Variants in EYA1 observed in about 807,000 individuals in gnomAD.
EYA1 encodes the protein protein phosphatase EYA1.
A neutral mutation model predicts 82.0 loss-of-function variants in EYA1; 16 were observed. The observed-to-expected ratio is 0.20, with a 90% CI of 0.13 to 0.30. The LOEUF (loss-of-function observed/expected upper bound fraction) is 0.30, where lower values mean the gene tolerates loss of function less well. Among genes scored for constraint, EYA1 ranks in the 10% least tolerant of loss-of-function variants. EYA1 has a pLI of 1.00. For synonymous variants in EYA1, 261 were observed against 264.4 expected (o/e 0.99, Z 0.12); for missense variants, 633 against 730.7 (o/e 0.87, Z 1.54).
chr8:71,396,618 T>A (rs1212078217), intron 2 of EYA1, among the ~76,000 whole-genome samples: 1 of 152,234 alleles, frequency 6.6e-6, no homozygotes, highest in Non-Finnish European at 1.5e-5. Context: ...AGTTTCTTAA[T>A]CCTGAGTTCT....
At chr8:71,284,860 C>G (rs1586177017) in intron 9 of EYA1, among the ~76,000 whole-genome samples, 1 of 152,314 alleles carries the variant, frequency 6.6e-6, no homozygotes. Flanking sequence ...ATTTCACCTT[C>G]TTTGTTAATT....
intron 2 of EYA1, among the ~76,000 whole-genome samples, chr8:71,386,800 G>A (rs1240651954): frequency 6.6e-6 from 1 of 152,204 alleles, no homozygotes; most frequent in Non-Finnish European, 1.5e-5. Context: ...TTGATGAGAA[G>A]TCAAGGATGA....
intron 3 of EYA1, among the ~76,000 whole-genome samples, chr8:71,346,104 A>G (rs1825673156): frequency 6.6e-6 from 1 of 152,004 alleles, no homozygotes; most frequent in Admixed American, 6.6e-5. Flanking sequence ...TCTTCCTGGC[A>G]TGGCACTCAA....
At chr8:71,473,853 T>C (rs1328333715) in intron 2 of EYA1, among the ~76,000 whole-genome samples, 1 of 152,114 alleles carries the variant, frequency 6.6e-6, no homozygotes, top group Non-Finnish European at 1.5e-5. Flanking sequence ...ATATACACCA[T>C]GGAATACTAT....
chr8:71,260,131 A>G (rs965692475), intron 11 of EYA1, among the ~76,000 whole-genome samples: 2 of 152,200 alleles, frequency 1.3e-5, no homozygotes, highest in African/African-American at 4.8e-5. Context: ...ACCCTTGCAC[A>G]TTTAGCTTTA....
intron 2 of EYA1, among the ~76,000 whole-genome samples, chr8:71,387,916 C>T (rs1293540395): frequency 6.6e-6 from 1 of 151,896 alleles, no homozygotes; most frequent in Non-Finnish European, 1.5e-5. Flanking sequence ...ACACAAAAAC[C>T]CAAGCATTAG....
chr8:71,408,188 C>A (rs1830378081), intron 2 of EYA1, among the ~76,000 whole-genome samples: 1 of 151,788 alleles, frequency 6.6e-6, no homozygotes, highest in Non-Finnish European at 1.5e-5. Context: ...ATTTTGTCAC[C>A]ACTAGGCCTG....
intron 2 of EYA1, among the ~76,000 whole-genome samples, chr8:71,392,102 C>G (rs1829310650): frequency 1.3e-5 from 2 of 152,108 alleles, no homozygotes; most frequent in Non-Finnish European, 2.9e-5. Flanking sequence ...CTTTTCAAAC[C>G]ACAGGACTTT....
intron 12 of EYA1, among the ~76,000 whole-genome samples, chr8:71,228,386 C>A (rs1424483155): frequency 6.6e-6 from 1 of 151,882 alleles, no homozygotes; most frequent in African/African-American, 2.4e-5. Context: ...GCATGGGGAG[C>A]CCTGGTGTGC....
At chr8:71,372,442 A>G (rs909763086) in intron 2 of EYA1, among the ~76,000 whole-genome samples, 1 of 152,180 alleles carries the variant, frequency 6.6e-6, no homozygotes, top group African/African-American at 2.4e-5. Context: ...TAATTTCCCA[A>G]TCCTTTCTCA....
intron 2 of EYA1, among the ~76,000 whole-genome samples, chr8:71,391,784 T>C (rs1044090911): frequency 6.6e-6 from 1 of 152,184 alleles, no homozygotes; most frequent in African/African-American, 2.4e-5. Context: ...TGGTTCATAC[T>C]GTAGTACAAT....
At chr8:71,447,774 A>G (rs566253698) in intron 2 of EYA1, among the ~76,000 whole-genome samples, 1 of 152,320 alleles carries the variant, frequency 6.6e-6, no homozygotes, top group African/African-American at 2.4e-5. Flanking sequence ...ACCTCAATTA[A>G]AAATACTTTA....
intron 2 of EYA1, among the ~76,000 whole-genome samples, chr8:71,477,173 T>C (rs1477779069): frequency 6.6e-6 from 1 of 152,112 alleles, no homozygotes; most frequent in Non-Finnish European, 1.5e-5. Context: ...AGCCAAAGAT[T>C]TCTTTAGATA....
intron 4 of EYA1, among the ~76,000 whole-genome samples, chr8:71,333,511 AACC>A (rs1824131783): frequency 6.6e-6 from 1 of 152,204 alleles, no homozygotes; most frequent in Non-Finnish European, 1.5e-5. Context: ...ACATTCTCAC[AACC>A]ACCTTATGAT....
intron 2 of EYA1, among the ~76,000 whole-genome samples, chr8:71,402,148 A>C (rs2129128120): frequency 6.6e-6 from 1 of 152,290 alleles, no homozygotes; most frequent in East Asian, 1.9e-4. Context: ...CCATTTGAGA[A>C]CCAGATGCAC....
intron 11 of EYA1, among the ~76,000 whole-genome samples, chr8:71,259,843 T>A (rs951961414): frequency 7.2e-5 from 11 of 152,204 alleles, no homozygotes; most frequent in African/African-American, 2.7e-4. Flanking sequence ...GGTAACCATT[T>A]TCTAACCATG....
At chr8:71,263,577 A>G (rs1815399907) in intron 11 of EYA1, among the ~76,000 whole-genome samples, 1 of 152,168 alleles carries the variant, frequency 6.6e-6, no homozygotes, top group Admixed American at 6.5e-5. Context: ...CATTGAGTTC[A>G]CGGTCTAGTC....
intron 2 of EYA1, among the ~76,000 whole-genome samples, chr8:71,528,296 C>T (rs1354419444): frequency 1.3e-5 from 2 of 152,158 alleles, no homozygotes; most frequent in Non-Finnish European, 2.9e-5. Context: ...TATTGGCCAG[C>T]TCAGATAAAC....
At chr8:71,233,089 A>ACTGCAAGCAGTCTCTAG (rs1811388769) in intron 12 of EYA1, among the ~76,000 whole-genome samples, 4 of 152,168 alleles carry the variant, frequency 2.6e-5, no homozygotes, top group Admixed American at 6.5e-5. Context: ...CAAACCACAT[A>ACTGCAAGCAGTCTCTAG]AACAACACTG....
Sources: allele counts gnomAD v4.1 joint callset (sites outside exome capture counted in the v4.1 genomes callset), GRCh38; gene constraint gnomAD v4.1.1; transcripts MANE v1.5; gene names NCBI Gene and HGNC (gene_info 2026-07-23, HGNC 2026-07-21).